Variants in FARS2 observed in about 807,000 individuals in gnomAD.
FARS2 encodes the protein phenylalanine--tRNA ligase, mitochondrial.
Under a neutral mutation model 46.4 loss-of-function variants are expected in FARS2, and 40 were observed. That is an observed-to-expected ratio of 0.86 (90% CI 0.67 to 1.12). The LOEUF is 1.12. Ranked by LOEUF, FARS2 falls within the 50% of genes most tolerant of loss-of-function variation. The probability of loss-of-function intolerance (pLI) is 0.00; values close to 1 mark genes in which losing one functional copy is unlikely to be tolerated. For missense variants in FARS2, 513 were observed against 567.9 expected, an observed-to-expected ratio of 0.90 and a Z score of 0.98; for synonymous variants, 234 against 214.9, an observed-to-expected ratio of 1.09 and a Z score of -0.78.
intron 1 of FARS2, among the ~76,000 whole-genome samples, chr6:5,295,052 A>G (rs1038286573): frequency 4.6e-5 from 7 of 152,202 alleles, no homozygotes; most frequent in African/African-American, 1.4e-4. Context: ...GTTATGAGCC[A>G]GGAACTGTGG....
Position 5,763,767 on chromosome 6 carries a change from G to GT in FARS2, c.1218-7524_1218-7523insT, listed in dbSNP as rs1561843515. ...AGAATTTCATCTTCTCTTCCCTTTT[G>GT]GTTTTTTTTTTTTTTTTTTAACATA... On this transcript the variant is annotated intron_variant, in intron 6 of 6. Transcript: ENST00000274680. Among the ~76,000 whole-genome samples, 61 of 23,530 alleles carry GT rather than the reference G, an allele frequency of 2.6e-3. 1 individual carries two copies. The highest frequency in any genetic ancestry group is 6.7e-3 in the Non-Finnish European group (39 of 5,804). The allele number at this position is 23,530 out of a possible 152,430, so 15.4% of individuals were successfully genotyped here.
At chr6:5,642,287 G>A (rs1299076265) in intron 6 of FARS2, among the ~76,000 whole-genome samples, 1 of 152,190 alleles carries the variant, frequency 6.6e-6, no homozygotes, top group African/African-American at 2.4e-5. Context: ...TATAAAGGTA[G>A]AGTGATAGAC....
intron 4 of FARS2, among the ~76,000 whole-genome samples, chr6:5,444,684 A>C (rs1764075215): frequency 6.6e-6 from 1 of 152,156 alleles, no homozygotes; most frequent in Admixed American, 6.5e-5. Context: ...CAATATCCAT[A>C]TATAAATTAG....
At chr6:5,514,432 T>G (rs1205062280) in intron 4 of FARS2, among the ~76,000 whole-genome samples, 2 of 152,222 alleles carry the variant, frequency 1.3e-5, no homozygotes, top group Non-Finnish European at 2.9e-5. Flanking sequence ...GAGGCTTGGC[T>G]GCATTTAAAA....
chr6:5,257,490 A>T (rs1343226833), upstream of FARS2, among the ~76,000 whole-genome samples: 1 of 152,112 alleles, frequency 6.6e-6, no homozygotes, highest in Non-Finnish European at 1.5e-5. Context: ...TAGTTCAAAA[A>T]TCTCATCTTT....
At chr6:5,669,617 G>A (rs1414550094) in intron 6 of FARS2, among the ~76,000 whole-genome samples, 1 of 152,066 alleles carries the variant, frequency 6.6e-6, no homozygotes, top group Non-Finnish European at 1.5e-5. Flanking sequence ...TCATCATATT[G>A]CAGTGTATTA....
In FARS2 at chr6:5,639,649, T is replaced by C. The variant is rs561184431; in HGVS notation, c.1217+26329T>C. ...TCAGACCTACCTTCCTCTCTTCTTC[T>C]ATCCACATTTGTTCTTTATTTGCAA... On this transcript the variant is annotated intron_variant, in intron 6 of 6. Transcript: ENST00000274680. Among the ~76,000 whole-genome samples, 84 of 152,350 alleles carry C rather than the reference T, an allele frequency of 5.5e-4. 1 individual carries two copies. The highest frequency in any genetic ancestry group is 5.0e-3 in the Admixed American group (76 of 15,306).
chr6:5,653,370 G>A (rs1018503193), intron 6 of FARS2, among the ~76,000 whole-genome samples: 19 of 152,130 alleles, frequency 1.2e-4, no homozygotes, highest in Non-Finnish European at 1.0e-4. Flanking sequence ...AAACCCTATT[G>A]CTCCAAAAAG....
chr6:5,604,054 G>C (rs1203250111), intron 5 of FARS2, among the ~76,000 whole-genome samples: 4 of 152,214 alleles, frequency 2.6e-5, no homozygotes, highest in African/African-American at 9.7e-5. Flanking sequence ...TCCCAGGGAA[G>C]TAGGGAGGTG....
intron 1 of FARS2, among the ~76,000 whole-genome samples, chr6:5,296,230 CT>C (rs1561939212): frequency 6.8e-6 from 1 of 148,016 alleles, no homozygotes; most frequent in Non-Finnish European, 1.5e-5. Flanking sequence ...CAAGCTCCGC[CT>C]CCCGGGTTCA....
chr6:5,257,320 C>T (rs572423203), upstream of FARS2, among the ~76,000 whole-genome samples: 4 of 152,288 alleles, frequency 2.6e-5, no homozygotes, highest in African/African-American at 9.6e-5. Flanking sequence ...CCACACCAAG[C>T]TGCTTCATGC....
rs185263316 is a variant in FARS2, at chr6:5,349,664, A to G, written c.-21-18886A>G. On this transcript the variant is annotated intron_variant, in intron 1 of 6. Transcript: ENST00000274680. ...ACATTATTAACGAAATCCACACTTCATTCAGATTTTCTCGTTTTTTACCTA... is the reference window on the plus strand; with the variant it reads ...ACATTATTAACGAAATCCACACTTCGTTCAGATTTTCTCGTTTTTTACCTA... Among the ~76,000 whole-genome samples, 60 of 152,318 alleles carry G rather than the reference A, an allele frequency of 3.9e-4. 2 individuals are homozygous for G. In the East Asian group the frequency reaches 9.1e-3, roughly 23 times the overall value.
intron 5 of FARS2, among the ~76,000 whole-genome samples, chr6:5,588,117 G>C (rs1582517742): frequency 6.6e-6 from 1 of 151,804 alleles, no homozygotes; most frequent in African/African-American, 2.4e-5. Context: ...GTAAAACATG[G>C]GTCCTTGTTC....
intron 2 of FARS2, among the ~76,000 whole-genome samples, chr6:5,393,188 T>C (rs565574570): frequency 6.6e-6 from 1 of 152,134 alleles, no homozygotes; most frequent in East Asian, 1.9e-4. Context: ...CAATAAATAA[T>C]TGAATCCTGT....
intron 6 of FARS2, among the ~76,000 whole-genome samples, chr6:5,716,872 C>T (rs1390169845): frequency 6.6e-6 from 1 of 152,228 alleles, no homozygotes; most frequent in Non-Finnish European, 1.5e-5. Flanking sequence ...CAGGAACCTC[C>T]ACATGCTCAG....
intron 4 of FARS2, among the ~76,000 whole-genome samples, chr6:5,485,291 AT>A (rs1290076554): frequency 6.6e-6 from 1 of 152,166 alleles, no homozygotes; most frequent in East Asian, 1.9e-4. Flanking sequence ...ACATGAGATA[AT>A]GAATGCAAAT....
rs368344271 is a variant in FARS2 at position 5,381,370 on chromosome 6, A to AATACACAC, written c.612+12189_612+12190insTACACACA. Among the ~76,000 whole-genome samples, 234 of 132,980 alleles carry AATACACAC rather than the reference A, an allele frequency of 1.8e-3. 2 individuals carry two copies. The highest frequency in any genetic ancestry group is 2.7e-3 in the East Asian group (13 of 4,738). The allele number at this position is 132,980 out of a possible 152,430, so 87.2% of individuals were successfully genotyped here. On this transcript the variant is annotated intron_variant, in intron 2 of 6. Coordinates refer to ENST00000274680, the MANE Select transcript of FARS2 (RefSeq NM_006567.5). ...ATGAGAAATTTGCATACTCCCCAGA[A>AATACACAC]ACACACACACACACACACACACACA...
intron 2 of FARS2, among the ~76,000 whole-genome samples, chr6:5,380,035 A>G (rs534072501): frequency 2.0e-5 from 3 of 152,314 alleles, no homozygotes; most frequent in African/African-American, 4.8e-5. Context: ...ATGCAATTAC[A>G]TGAGTTGCTA....
intron 4 of FARS2, among the ~76,000 whole-genome samples, chr6:5,509,405 C>G (rs1431794833): frequency 6.6e-6 from 1 of 152,154 alleles, no homozygotes; most frequent in Non-Finnish European, 1.5e-5. Context: ...TAGTTTACAC[C>G]ACGTAGCTGA....
Sources: gnomAD v4.1 joint callset for allele counts (sites outside exome capture counted in the v4.1 genomes callset) on GRCh38, gnomAD v4.1.1 for gene constraint, MANE v1.5 for transcripts, NCBI Gene and HGNC (gene_info 2026-07-23, HGNC 2026-07-21) for gene names.